The following GUCY2C variants were observed in gnomAD, a reference collection of about 807,000 sequenced individuals.
GUCY2C encodes guanylyl cyclase C.
Under a neutral mutation model 131.1 loss-of-function variants are expected in GUCY2C, and 118 were observed. That is an observed-to-expected ratio of 0.90 (90% CI 0.78 to 1.05). The LOEUF (loss-of-function observed/expected upper bound fraction) is 1.05. Ranked by LOEUF, GUCY2C falls within the 50% of genes least tolerant of loss-of-function variation. The pLI is 0.00. For missense variants in GUCY2C, 1,161 were observed against 1,304.4 expected, an observed-to-expected ratio of 0.89 and a Z score of 1.69; for synonymous variants, 452 against 457.8, an observed-to-expected ratio of 0.99 and a Z score of 0.16.
At chr12:14,690,613 C>T (rs905702666) in intron 1 of GUCY2C, among the ~76,000 whole-genome samples, 5 of 152,080 alleles carry the variant, frequency 3.3e-5, no homozygotes, top group African/African-American at 1.2e-4. Flanking sequence ...GCGATCTCTG[C>T]TTACTGCAAG....
chr12:14,651,630 A>G, intron 14 of GUCY2C, 119 bp from the exon 15 acceptor site: 1 of 645,768 alleles, frequency 1.5e-6, no homozygotes, highest in Non-Finnish European at 2.8e-6. Flanking sequence ...TTGTCTTAAC[A>G]AATTGAATGT....
intron 1 of GUCY2C, among the ~76,000 whole-genome samples, chr12:14,688,531 G>A (rs1011649036): frequency 3.3e-5 from 5 of 152,118 alleles, no homozygotes; most frequent in Non-Finnish European, 5.9e-5. Flanking sequence ...TGGTCCCCAG[G>A]TGCTATTTGT....
At chr12:14,621,474 C>T (rs1328078867) in intron 22 of GUCY2C, among the ~76,000 whole-genome samples, 1 of 151,994 alleles carries the variant, frequency 6.6e-6, no homozygotes, top group African/African-American at 2.4e-5. Flanking sequence ...TATAAATTGT[C>T]CAGATGTGGT....
intron 1 of GUCY2C, among the ~76,000 whole-genome samples, chr12:14,689,811 A>G (rs1486659911): frequency 6.6e-6 from 1 of 152,218 alleles, no homozygotes; most frequent in Non-Finnish European, 1.5e-5. Flanking sequence ...TACAATTTTT[A>G]GACCCTGTCT....
At chr12:14,689,055 G>A (rs1948529530) in intron 1 of GUCY2C, among the ~76,000 whole-genome samples, 1 of 152,194 alleles carries the variant, frequency 6.6e-6, no homozygotes, top group Admixed American at 6.5e-5. Context: ...TATTTTTAAA[G>A]GATATCTCTG....
chr12:14,672,989 A>G, intron 8 of GUCY2C, 31 bp from the exon 9 acceptor site: 1 of 1,315,706 alleles, frequency 7.6e-7, no homozygotes, highest in Non-Finnish European at 1.1e-6. Flanking sequence ...GTTAGAGGCC[A>G]TTCTTGATTT....
intron 9 of GUCY2C, among the ~76,000 whole-genome samples, chr12:14,670,825 T>C (rs1452245603): frequency 6.6e-6 from 1 of 151,850 alleles, no homozygotes; most frequent in African/African-American, 2.4e-5. Flanking sequence ...AATTTTTTTT[T>C]TCTCTTTTTT....
intron 11 of GUCY2C, among the ~76,000 whole-genome samples, chr12:14,659,052 T>C (rs1452150274): frequency 7.1e-6 from 1 of 140,976 alleles, no homozygotes; most frequent in Non-Finnish European, 1.5e-5. Context: ...ATTTCTTTCT[T>C]TTTTTTTTTT....
chr12:14,625,774 G>A lies in GUCY2C; in HGVS notation c.2391C>T (p.Asn797=). Residue 797 remains asparagine, a synonymous_variant, in exon 21 of 27, where the codon AAC becomes AAT. Coordinates refer to ENST00000261170, the MANE Select transcript of GUCY2C (RefSeq NM_004963.4). ...KAERDRADRL[N]FMLLPRLVVK... Reference sequence around the variant, plus strand: ...TGCCTTACCTTGGAAGCAACATAAAGTTAAGTCTGTCAGCCCTGTCCCTCT... The same window carrying A: ...TGCCTTACCTTGGAAGCAACATAAAATTAAGTCTGTCAGCCCTGTCCCTCT... The A allele has an allele frequency of 6.2e-7, 1 of 1,613,958 alleles. No individual in the cohort carries two copies. Among genetic ancestry groups the A allele is most frequent in the Non-Finnish European group, 8.5e-7 (1 of 1,179,898 alleles).
chr12:14,659,436 T>C (rs919375068), intron 11 of GUCY2C, among the ~76,000 whole-genome samples: 7 of 152,232 alleles, frequency 4.6e-5, no homozygotes, highest in African/African-American at 1.7e-4. Flanking sequence ...TTCTTTTCTA[T>C]TGACCTGTTT....
chr12:14,657,432 A>G (rs1317686534), intron 11 of GUCY2C, among the ~76,000 whole-genome samples: 2 of 152,160 alleles, frequency 1.3e-5, no homozygotes, highest in Admixed American at 6.5e-5. Context: ...CAACTACAAA[A>G]TGTTAAAAAT....
chr12:14,675,976 C>T (rs979920350), intron 7 of GUCY2C, among the ~76,000 whole-genome samples: 16 of 152,282 alleles, frequency 1.1e-4, no homozygotes, highest in African/African-American at 3.6e-4. Context: ...TTGGCACGGT[C>T]GTAAATGAGA....
intron 12 of GUCY2C, 22 bp downstream of exon 12, chr12:14,656,490 C>A: frequency 4.9e-6 from 6 of 1,216,848 alleles, no homozygotes; most frequent in Non-Finnish European, 7.3e-6. Context: ...ACCCATTCTT[C>A]AACAGGTAAG....
intron 13 of GUCY2C, among the ~76,000 whole-genome samples, chr12:14,652,531 C>T (rs560841882): frequency 6.6e-6 from 1 of 151,792 alleles, no homozygotes; most frequent in African/African-American, 2.4e-5. Context: ...AGTTCAGTCT[C>T]GAATGTTTCT....
chr12:14,618,741 C>T (rs1428754191), intron 24 of GUCY2C, among the ~76,000 whole-genome samples: 2 of 152,066 alleles, frequency 1.3e-5, no homozygotes, highest in Non-Finnish European at 2.9e-5. Flanking sequence ...TTCAAGTTTA[C>T]AGGGAGCTAT....
intron 19 of GUCY2C, among the ~76,000 whole-genome samples, chr12:14,637,135 C>T (rs1374591515): frequency 6.8e-6 from 1 of 146,260 alleles, no homozygotes; most frequent in East Asian, 2.1e-4. Flanking sequence ...TTTTTATATA[C>T]CACCAATAAT....
In GUCY2C at chr12:14,684,426, A is replaced by G. The variant is rs899526146; in HGVS notation, c.396-1169T>C. On this transcript the variant is annotated intron_variant, in intron 3 of 26. Coordinates refer to ENST00000261170, the MANE Select transcript of GUCY2C (RefSeq NM_004963.4). ...ACATGCAAACAATCGCATCTCCTTC[A>G]TAAGAGTTTTTTCCTCCATTGAAGC... is the stretch of plus-strand genomic sequence containing the variant. Among the ~76,000 whole-genome samples, 7 of 151,900 alleles carry G rather than the reference A, an allele frequency of 4.6e-5. No individual in the cohort carries two copies. The South Asian group carries it at 1.0e-3, about 23-fold the overall frequency.
chr12:14,683,098 A>T lies in GUCY2C; in HGVS notation c.555T>A (p.Tyr185Ter). Residue 185 changes from tyrosine to a stop codon, truncating the protein, a stop_gained, in exon 4 of 27, where the codon TAT (tyrosine) becomes TAA (stop). Transcript: ENST00000261170. LOFTEE classifies it high-confidence loss of function. ...WKTNDLPFKT[Y>*]SWSTSYVYKN... ...TGTAAACATACGAAGTGCTCCAGGA[A>T]TAAGTTTTGAAGGGCAGATCGTTGG... is the stretch of plus-strand genomic sequence containing the variant. 1.2e-6 allele frequency: 2 copies of T among 1,613,828 alleles called. No individual in the cohort carries two copies. Among genetic ancestry groups the T allele is most frequent in the African/African-American group, 1.3e-5 (1 of 75,042 alleles).
rs749027494 is a variant in GUCY2C at position 14,651,967 on chromosome 12, A to G, written c.1597T>C (p.Leu533=). The G allele has an allele frequency of 1.3e-6, 2 of 1,565,294 alleles. No individual in the cohort carries two copies. Among genetic ancestry groups the G allele is most frequent in the African/African-American group, 1.4e-5 (1 of 74,056 alleles). Residue 533 remains leucine (L), a synonymous_variant, in exon 14 of 27, where the codon TTG becomes CTG. Transcript: ENST00000261170. Reference sequence around the variant, plus strand: ...AAGTAAGGGCTACATACCTTGTTCAATTCTATCTTCTGTTTTTCAGTGAAA... The same window carrying G: ...AAGTAAGGGCTACATACCTTGTTCAGTTCTATCTTCTGTTTTTCAGTGAAA... ...GNFTEKQKIE[L]NKLLQIDYYN...
Sources: allele counts gnomAD v4.1 joint callset (sites outside exome capture counted in the v4.1 genomes callset), GRCh38; gene constraint gnomAD v4.1.1; transcripts MANE v1.5; gene names NCBI Gene and HGNC (gene_info 2026-07-23, HGNC 2026-07-21).